The following HECW2 variants were observed in gnomAD, a reference collection of about 807,000 sequenced individuals.
The protein encoded by HECW2 is E3 ubiquitin-protein ligase HECW2.
A neutral mutation model predicts 175.2 loss-of-function variants in HECW2; 61 were observed. The ratio of observed to expected loss-of-function variants is 0.35; its 90% CI spans 0.28 to 0.43. HECW2 has a LOEUF of 0.43. Ranked by LOEUF, HECW2 falls within the 20% of genes least tolerant of loss-of-function variation. The pLI, the probability that HECW2 is intolerant of heterozygous loss-of-function variation, is 1.00. For synonymous variants in HECW2, 671 were observed against 731.0 expected, an observed-to-expected ratio of 0.92 and a Z score of 1.32; for missense variants, 1,524 against 2,000.5, an observed-to-expected ratio of 0.76 and a Z score of 4.54.
chr2:196,515,307 G>A (rs979380126), intron 1 of HECW2, among the ~76,000 whole-genome samples: 1 of 152,256 alleles, frequency 6.6e-6, no homozygotes, highest in African/African-American at 2.4e-5. Context: ...TGAGACCCAG[G>A]CTGTTAGTAC....
intron 18 of HECW2, 21 bp downstream of exon 18, chr2:196,257,802 G>A (rs753484144): frequency 6.4e-7 from 1 of 1,558,460 alleles, no homozygotes; most frequent in Admixed American, 1.7e-5. Context: ...TCTGCTTCAA[G>A]AGTGAGTGTT....
At chr2:196,380,884 A>G (rs1243562367) in intron 2 of HECW2, among the ~76,000 whole-genome samples, 1 of 152,200 alleles carries the variant, frequency 6.6e-6, no homozygotes, top group Admixed American at 6.5e-5. Flanking sequence ...TTTCTTGAAT[A>G]AATGCTCCTC....
chr2:196,266,205 G>T (rs1327918334), intron 17 of HECW2, among the ~76,000 whole-genome samples: 6 of 151,466 alleles, frequency 4.0e-5, no homozygotes, highest in Admixed American at 3.9e-4. Context: ...CAATTAGCGG[G>T]GCAAGGTGGT....
intron 10 of HECW2, among the ~76,000 whole-genome samples, chr2:196,310,329 C>G (rs536884124): frequency 6.6e-6 from 1 of 152,318 alleles, no homozygotes; most frequent in East Asian, 1.9e-4. Context: ...TGTAATTACT[C>G]AAGACCCCAT....
At chr2:196,282,689 G>T (rs566798885) in intron 14 of HECW2, among the ~76,000 whole-genome samples, 1 of 152,304 alleles carries the variant, frequency 6.6e-6, no homozygotes, top group East Asian at 1.9e-4. Flanking sequence ...TTATCATGCA[G>T]ATGAAGCCTC....
At chr2:196,363,289 T>C (rs1357037923) in intron 2 of HECW2, among the ~76,000 whole-genome samples, 1 of 151,814 alleles carries the variant, frequency 6.6e-6, no homozygotes, top group African/African-American at 2.4e-5. Flanking sequence ...ATCAAATGAG[T>C]GTCACTGTGC....
intron 1 of HECW2, among the ~76,000 whole-genome samples, chr2:196,508,461 C>T (rs1329239960): frequency 6.6e-6 from 1 of 152,230 alleles, no homozygotes; most frequent in Admixed American, 6.5e-5. Context: ...CTCGCTGAAG[C>T]TGATGAGCAG....
intron 2 of HECW2, among the ~76,000 whole-genome samples, chr2:196,390,165 T>C (rs4414697): frequency 0.92 from 140,370 of 151,982 alleles, 65,065 homozygotes; most frequent in East Asian, 0.96. Flanking sequence ...TATTATGATA[T>C]CCATTTTATT....
intron 10 of HECW2, 24 bp from the exon 11 acceptor site, chr2:196,308,109 A>T (rs1335112104): frequency 6.6e-7 from 1 of 1,520,846 alleles, no homozygotes; most frequent in Non-Finnish European, 8.9e-7. Flanking sequence ...AGGCACCGAA[A>T]GGAATTAGGA....
At chr2:196,248,674 G>C (rs546766558) in intron 19 of HECW2, among the ~76,000 whole-genome samples, 10 of 150,780 alleles carry the variant, frequency 6.6e-5, no homozygotes, top group Admixed American at 6.6e-4. Context: ...AGGAAGAAAA[G>C]GAGAGAGAGA....
At chr2:196,569,435 T>C (rs917958464) in intron 1 of HECW2, among the ~76,000 whole-genome samples, 1 of 152,216 alleles carries the variant, frequency 6.6e-6, no homozygotes, top group African/African-American at 2.4e-5. Context: ...ATAAATACCA[T>C]AAAGAAGAAA....
At chr2:196,469,828 C>T (rs1447161463) in intron 1 of HECW2, among the ~76,000 whole-genome samples, 1 of 151,810 alleles carries the variant, frequency 6.6e-6, no homozygotes, top group South Asian at 2.1e-4. Flanking sequence ...GCTGTTACCT[C>T]TGGGGCGGGG....
chr2:196,500,549 A>C (rs978567651), intron 1 of HECW2, among the ~76,000 whole-genome samples: 3 of 152,258 alleles, frequency 2.0e-5, no homozygotes, highest in African/African-American at 7.2e-5. Flanking sequence ...GAACAATAAA[A>C]TTCCAAAAAC....
At chr2:196,329,030 A>G (rs1247850332) in intron 5 of HECW2, among the ~76,000 whole-genome samples, 4 of 152,146 alleles carry the variant, frequency 2.6e-5, no homozygotes, top group Non-Finnish European at 5.9e-5. Context: ...GATTTTAACT[A>G]AATCAAACTT....
chr2:196,331,101 T>G, intron 4 of HECW2: 1 of 968,636 alleles, frequency 1.0e-6, no homozygotes, highest in African/African-American at 1.8e-5. Context: ...CTCCTGTACC[T>G]TAGTCAAACT....
chr2:196,272,457 T>C (rs1156234003), intron 16 of HECW2, among the ~76,000 whole-genome samples: 1 of 152,216 alleles, frequency 6.6e-6, no homozygotes, highest in Non-Finnish European at 1.5e-5. Context: ...GGCACAAATA[T>C]ATTTAAATTC....
intron 2 of HECW2, among the ~76,000 whole-genome samples, chr2:196,347,007 C>CAA (rs200981726): frequency 0.029 from 3,763 of 129,930 alleles, 171 homozygotes; most frequent in African/African-American, 0.099. Flanking sequence ...GACTCCGTCT[C>CAA]AAAAAAAAAA....
Position 196,324,960 on chromosome 2 carries a change from A to AC in HECW2, c.741+19dup. On this transcript the variant is annotated intron_variant, in intron 6 of 28. Coordinates refer to ENST00000644978, the MANE Select transcript of HECW2 (RefSeq NM_001348768.2). Reference sequence around the variant, plus strand: ...TGACTTCCTCACCATCAAGTAGGAGACCCCCGAGGATCATCTTACCTCTCG... The same window carrying AC: ...TGACTTCCTCACCATCAAGTAGGAGACCCCCCGAGGATCATCTTACCTCTCG... The AC allele has an allele frequency of 1.3e-6, 2 of 1,533,022 alleles. No homozygotes were observed. Among genetic ancestry groups the AC allele is most frequent in the African/African-American group, 1.4e-5 (1 of 71,626 alleles). 95.0% of individuals were successfully genotyped at this position (1,533,022 alleles called of 1,614,324 possible). A position where few individuals can be genotyped will look rare whatever the true frequency, so the allele number is the denominator to read the frequency against.
intron 13 of HECW2, among the ~76,000 whole-genome samples, chr2:196,305,041 C>T (rs1474760884): frequency 1.3e-5 from 2 of 152,194 alleles, no homozygotes; most frequent in Non-Finnish European, 2.9e-5. Flanking sequence ...CTGTCTATGG[C>T]CCCTTCCATG....
Sources: allele counts gnomAD v4.1 joint callset (sites outside exome capture counted in the v4.1 genomes callset), GRCh38; gene constraint gnomAD v4.1.1; transcripts MANE v1.5; gene names NCBI Gene and HGNC (gene_info 2026-07-23, HGNC 2026-07-21).